Variants in APBB1 observed in about 807,000 individuals in gnomAD.
The protein encoded by APBB1 is amyloid beta precursor protein binding family B member 1.
APBB1 carries 22 observed loss-of-function variants against 78.4 expected under a neutral mutation model. The observed-to-expected ratio is 0.28, with a 90% CI of 0.20 to 0.40. APBB1 has a LOEUF of 0.40. Ranked by LOEUF, APBB1 falls within the 10% of genes least tolerant of loss-of-function variation. The pLI is 1.00. For missense variants in APBB1, 749 were observed against 932.4 expected (o/e 0.80, Z 2.56); for synonymous variants, 369 against 372.7 (o/e 0.99, Z 0.12).
rs757918798 is a variant in APBB1 at position 6,401,417 on chromosome 11, G to T, written c.1516C>A (p.Arg506=). Residue 506 remains arginine, a synonymous_variant, in exon 11 of 15, where the codon CGG becomes AGG. Transcript: ENST00000609360. This position sits in a 1 kb window ranked among gnomAD's most constrained non-coding sequence, Gnocchi z 4.5. The part of the protein sequence containing the change: ...HEICSKIMAE[R]RNARCLVNGL... The stretch of plus-strand genomic sequence containing the variant: ...TTTACCAAGCAGCGGGCATTACGCC[G>T]TTCGGCCATGATCTGAGGAAGGAAG... 2 of 1,613,894 alleles carry T rather than the reference G, an allele frequency of 1.2e-6. No individual in the cohort carries two copies. Among genetic ancestry groups the T allele is most frequent in the Admixed American group, 3.3e-5 (2 of 59,994 alleles).
In APBB1 at chr11:6,401,133, A is replaced by G. The variant is rs1848476417; in HGVS notation, c.1589-61T>C. ...GACCTTGCTCACCCGCAGCCCCACCAGCAGGGCATAAGCTGGACACTTGCC... is the reference window on the plus strand; with the variant it reads ...GACCTTGCTCACCCGCAGCCCCACCGGCAGGGCATAAGCTGGACACTTGCC... On this transcript the variant is annotated intron_variant, in intron 11 of 14. Transcript: ENST00000609360. The surrounding 1 kb of genome is among the most constrained non-coding windows in gnomAD (Gnocchi z 4.5). 6.2e-7 allele frequency: 1 copy of G among 1,614,070 alleles called. No homozygotes were observed. The highest frequency in any genetic ancestry group is 1.7e-5 in the Admixed American group (1 of 60,020).
At chr11:6,408,535 G>A (rs545055524) in intron 2 of APBB1, among the ~76,000 whole-genome samples, 6 of 147,096 alleles carry the variant, frequency 4.1e-5, no homozygotes, top group Non-Finnish European at 7.4e-5. Flanking sequence ...AAGGAGTCTC[G>A]CTCTTATTGC....
chr11:6,405,098 A>C, intron 2 of APBB1: 1 of 1,352,676 alleles, frequency 7.4e-7, no homozygotes, highest in Non-Finnish European at 9.5e-7. Flanking sequence ...CCCCTCCCCC[A>C]ATCCTGAATC....
At chr11:6,412,657 G>T (rs1315481503) in intron 1 of APBB1, among the ~76,000 whole-genome samples, 1 of 152,192 alleles carries the variant, frequency 6.6e-6, no homozygotes, top group Non-Finnish European at 1.5e-5. Flanking sequence ...CCATGTTGGT[G>T]AGGATTTTGC....
intron 2 of APBB1, among the ~76,000 whole-genome samples, chr11:6,407,976 T>TAGA (rs1848858522): frequency 7.9e-5 from 12 of 151,802 alleles, no homozygotes; most frequent in African/African-American, 2.7e-4. Context: ...AGACGGGGTT[T>TAGA]CACCTTGTTA....
At position 6,401,533 on chromosome 11, in the gene APBB1, G is replaced by A. The variant is rs1823890141; in HGVS notation, c.1503+41C>T. On this transcript the variant is annotated intron_variant, in intron 10 of 14. Coordinates refer to ENST00000609360, the MANE Select transcript of APBB1 (RefSeq NM_001164.5). The surrounding 1 kb of genome is among the most constrained non-coding windows in gnomAD (Gnocchi z 4.5). Reference sequence around the variant, plus strand: ...GTGACCCCACCCACACCCTTGTAGAGCAAAGGTGGCAACTAGTCCAGGGAG... The same window carrying A: ...GTGACCCCACCCACACCCTTGTAGAACAAAGGTGGCAACTAGTCCAGGGAG... 1 of 1,613,872 alleles carries A rather than the reference G, an allele frequency of 6.2e-7. No individual in the cohort carries two copies. Among genetic ancestry groups the A allele is most frequent in the Non-Finnish European group, 8.5e-7 (1 of 1,179,954 alleles).
At chr11:6,405,844 A>G (rs1479774886) in intron 2 of APBB1, among the ~76,000 whole-genome samples, 1 of 152,146 alleles carries the variant, frequency 6.6e-6, no homozygotes, top group African/African-American at 2.4e-5. Context: ...GAGACCCTCC[A>G]TTGCCTCAGG....
intron 2 of APBB1, among the ~76,000 whole-genome samples, chr11:6,407,415 G>T (rs761435298): frequency 6.6e-6 from 1 of 152,212 alleles, no homozygotes; most frequent in Non-Finnish European, 1.5e-5. Context: ...GGGCAAGTGA[G>T]CAACTAGGCC....
rs778398252 is a variant in APBB1 at position 6,403,560 on chromosome 11, G to T, written c.898-16C>A. 3 of 1,614,168 alleles carry T rather than the reference G, an allele frequency of 1.9e-6. No homozygotes were observed. The highest frequency in any genetic ancestry group is 1.1e-5 in the South Asian group (1 of 91,082). On this transcript the variant is annotated splice_polypyrimidine_tract_variant and intron_variant, in intron 3 of 14. Transcript: ENST00000609360. This position sits in a 1 kb window ranked among gnomAD's most constrained non-coding sequence, Gnocchi z 5.3. ...TCCAGGTGAGCTAGGAGGAGGGATGGGAGTAGTGAGTGAGTGTCCTATCCT... is the reference window on the plus strand; with the variant it reads ...TCCAGGTGAGCTAGGAGGAGGGATGTGAGTAGTGAGTGAGTGTCCTATCCT...
chr11:6,395,504 C>T lies in APBB1; in HGVS notation c.*30G>A. The T allele has an allele frequency of 1.3e-6, 2 of 1,515,980 alleles. No individual in the cohort carries two copies. Among genetic ancestry groups the T allele is most frequent in the Non-Finnish European group, 1.8e-6 (2 of 1,133,160 alleles). The allele number at this position is 1,515,980 out of a possible 1,614,324, so 93.9% of individuals were successfully genotyped here. A position where few individuals can be genotyped will look rare whatever the true frequency, so the allele number is the denominator to read the frequency against. On this transcript the variant is annotated 3_prime_UTR_variant, in exon 15 of 15. Coordinates refer to ENST00000609360, the MANE Select transcript of APBB1 (RefSeq NM_001164.5). The surrounding 1 kb of genome is among the most constrained non-coding windows in gnomAD (Gnocchi z 5.2). The stretch of plus-strand genomic sequence containing the variant: ...CCCTTTAGTTCCCTGGGGCCCAACA[C>T]AAGCAGGTGGAGGGAAGGTGGGGGC...
intron 1 of APBB1, among the ~76,000 whole-genome samples, chr11:6,415,355 A>G (rs564931484): frequency 6.6e-6 from 1 of 152,358 alleles, no homozygotes; most frequent in South Asian, 2.1e-4. Context: ...CCCATATGCC[A>G]GGCACTGTGC....
Position 6,403,167 on chromosome 11 carries a change from C to T in APBB1, c.1082G>A (p.Arg361Gln), listed in dbSNP as rs777119203. Reference sequence around the variant, plus strand: ...AACCTTGATCCCTGGGTTGGTATTCCGTGGGGGAAGCTTCTCCTCCTCTTG... The same window carrying T: ...AACCTTGATCCCTGGGTTGGTATTCTGTGGGGGAAGCTTCTCCTCCTCTTG... ...LPQEEEKLPPRNTNPGIKCFA... is the reference protein window; with the variant it reads ...LPQEEEKLPPQNTNPGIKCFA... Residue 361 changes from arginine (R) to glutamine (Q), a missense_variant, in exon 6 of 15, where the codon CGG becomes CAG. Around this residue, in one of 3 missense-constraint regions of APBB1, gnomAD observed 635 missense variants for 765.0 expected, o/e 0.83. Transcript: ENST00000609360. The surrounding 1 kb of genome is among the most constrained non-coding windows in gnomAD (Gnocchi z 5.3). 18 of 1,612,952 alleles carry T rather than the reference C, an allele frequency of 1.1e-5. No homozygotes were observed. The Admixed American group carries it at 1.2e-4, about 10-fold the overall frequency.
intron 2 of APBB1, chr11:6,405,793 T>A: frequency 3.6e-6 from 2 of 557,546 alleles, no homozygotes; most frequent in Non-Finnish European, 2.3e-6. Context: ...AATAGGCACC[T>A]GAAACTTAGC....
At position 6,411,193 on chromosome 11, in the gene APBB1, C is replaced by T. The variant is rs763037052; in HGVS notation, c.155G>A (p.Ser52Asn). ...ATAVGPKDLR[S>N]AMGEGGGPEP... is the part of the protein sequence containing the mutation. Reference sequence around the variant, plus strand: ...AGGCCCACCACCCTCCCCCATGGCGCTGCGCAGGTCCTTGGGTCCCACAGC... The same window carrying T: ...AGGCCCACCACCCTCCCCCATGGCGTTGCGCAGGTCCTTGGGTCCCACAGC... Residue 52 changes from serine (S) to asparagine (N), a missense_variant, in exon 2 of 15, where the codon AGC becomes AAC. Coordinates refer to ENST00000609360, the MANE Select transcript of APBB1 (RefSeq NM_001164.5). This position sits in a 1 kb window ranked among gnomAD's most constrained non-coding sequence, Gnocchi z 5.2. The T allele has an allele frequency of 2.2e-5, 36 of 1,607,570 alleles. No homozygotes were observed. In the Admixed American group the frequency reaches 5.8e-4, roughly 26 times the overall value.
rs200437076 is a variant in APBB1, at chr11:6,403,694, C to T, written c.850G>A (p.Gly284Ser). 24 of 1,608,738 alleles carry T rather than the reference C, an allele frequency of 1.5e-5. No individual in the cohort carries two copies. Among genetic ancestry groups the T allele is most frequent in the East Asian group, 4.5e-5 (2 of 44,762 alleles). ...CTCCCCTGTGAGGGGGAGGCCCGGC[C>T]GGGGGGTTCCCACTGGGTGGTCCCT... ...PTGTTQWEPP[G>S]RASPSQGSSP... Residue 284 changes from glycine to serine, a missense_variant, in exon 3 of 15, where the codon GGC becomes AGC. Coordinates refer to ENST00000609360, the MANE Select transcript of APBB1 (RefSeq NM_001164.5). This position sits in a 1 kb window ranked among gnomAD's most constrained non-coding sequence, Gnocchi z 5.3.
chr11:6,396,289 C>T, intron 12 of APBB1, 74 bp from the exon 13 acceptor site: 1 of 1,325,358 alleles, frequency 7.5e-7, no homozygotes, highest in Non-Finnish European at 1.0e-6. Context: ...ACCTCTAGTT[C>T]CACCCAATCA....
At chr11:6,414,116 T>C (rs1237135192) in intron 1 of APBB1, among the ~76,000 whole-genome samples, 1 of 152,108 alleles carries the variant, frequency 6.6e-6, no homozygotes, top group Non-Finnish European at 1.5e-5. Context: ...CTCTATAACC[T>C]GTCAGTCCCC....
chr11:6,403,573 A>G lies in APBB1; in HGVS notation c.898-29T>C, dbSNP rs1427345560. 1 of 1,613,040 alleles carries G rather than the reference A, an allele frequency of 6.2e-7. No individual in the cohort carries two copies. The highest frequency in any genetic ancestry group is 1.1e-5 in the South Asian group (1 of 91,040). On this transcript the variant is annotated intron_variant, in intron 3 of 14. Transcript: ENST00000609360. This position sits in a 1 kb window ranked among gnomAD's most constrained non-coding sequence, Gnocchi z 5.3. The stretch of plus-strand genomic sequence containing the variant: ...GGAGGAGGGATGGGAGTAGTGAGTG[A>G]GTGTCCTATCCTACTCCAGCAGCAC...
chr11:6,410,556 G>A, intron 2 of APBB1, 71 bp downstream of exon 2: 1 of 1,359,736 alleles, frequency 7.4e-7, no homozygotes, highest in Non-Finnish European at 9.9e-7. Flanking sequence ...GCTGGCACTG[G>A]CCTCTGTATG....
Sources: allele counts gnomAD v4.1 joint callset (sites outside exome capture counted in the v4.1 genomes callset), GRCh38; gene constraint gnomAD v4.1.1; regional missense constraint gnomAD v4.1.1; non-coding constraint Gnocchi (gnomAD v3.1); transcripts MANE v1.5; gene names NCBI Gene and HGNC (gene_info 2026-07-23, HGNC 2026-07-21).